Variants in MVB12B observed in about 807,000 individuals in gnomAD.
MVB12B encodes ESCRT-I complex subunit MVB12B.
Under a neutral mutation model 41.6 loss-of-function variants are expected in MVB12B, and 16 were observed. The observed-to-expected ratio is 0.38, with a 90% CI of 0.26 to 0.58. MVB12B has a LOEUF of 0.58. Among genes scored for constraint, MVB12B ranks in the 20% least tolerant of loss-of-function variants. The pLI is 0.62. For missense variants in MVB12B, 274 were observed against 380.2 expected (o/e 0.72, Z 2.32); for synonymous variants, 133 against 139.7 (o/e 0.95, Z 0.34).
chr9:126,503,327 C>T lies in MVB12B; in HGVS notation c.*64C>T. On this transcript the variant is annotated 3_prime_UTR_variant, in exon 10 of 10. Coordinates refer to ENST00000361171, the MANE Select transcript of MVB12B (RefSeq NM_033446.3). ...AGACTACTGACGGCAGGGGCTGCTG[C>T]CCCCGCCTCCTCCTGCCGCCTCCGC... 1 of 1,351,460 alleles carries T rather than the reference C, an allele frequency of 7.4e-7. No individual in the cohort carries two copies. The allele number at this position is 1,351,460 out of a possible 1,614,324, so 83.7% of individuals were successfully genotyped here.
At chr9:126,430,676 G>C (rs569727973) in intron 7 of MVB12B, among the ~76,000 whole-genome samples, 1 of 151,094 alleles carries the variant, frequency 6.6e-6, no homozygotes, top group Non-Finnish European at 1.5e-5. Context: ...GAGCTGCCCT[G>C]TCCTGTGCTC....
intron 7 of MVB12B, among the ~76,000 whole-genome samples, chr9:126,440,721 A>AG (rs761747860): frequency 6.6e-6 from 1 of 152,062 alleles, no homozygotes; most frequent in Non-Finnish European, 1.5e-5. Context: ...ATTTTAAGGG[A>AG]GGAAAAAAAA....
At chr9:126,379,341 T>C (rs1365523754) in intron 2 of MVB12B, among the ~76,000 whole-genome samples, 11 of 152,158 alleles carry the variant, frequency 7.2e-5, no homozygotes, top group African/African-American at 1.7e-4. Context: ...TAAAGTTGCA[T>C]TGGGAGACAA....
At chr9:126,402,790 C>G (rs1211368179) in intron 6 of MVB12B, among the ~76,000 whole-genome samples, 1 of 152,262 alleles carries the variant, frequency 6.6e-6, no homozygotes, top group Non-Finnish European at 1.5e-5. Context: ...TTCCTTCACA[C>G]TAAAGCCACA....
At chr9:126,418,835 C>T (rs184319707) in intron 6 of MVB12B, among the ~76,000 whole-genome samples, 35 of 152,274 alleles carry the variant, frequency 2.3e-4, no homozygotes, top group African/African-American at 8.2e-4. Flanking sequence ...AGGAAGCCTT[C>T]CAGGGAGCCT....
intron 3 of MVB12B, among the ~76,000 whole-genome samples, chr9:126,385,102 G>T (rs561072351): frequency 6.6e-6 from 1 of 152,196 alleles, no homozygotes; most frequent in South Asian, 2.1e-4. Flanking sequence ...CTCCCAAAGT[G>T]TTGGGATTAC....
intron 9 of MVB12B, among the ~76,000 whole-genome samples, chr9:126,487,075 C>T (rs963570901): frequency 7.2e-5 from 11 of 152,230 alleles, no homozygotes; most frequent in Admixed American, 7.2e-4. Flanking sequence ...TGGCCACCCC[C>T]AGGAGGTGCA....
intron 7 of MVB12B, among the ~76,000 whole-genome samples, chr9:126,455,013 A>G (rs1461018369): frequency 6.6e-6 from 1 of 152,124 alleles, no homozygotes; most frequent in African/African-American, 2.4e-5. Flanking sequence ...TGGCGATTCC[A>G]GGAAGGATCT....
rs926224981 is a variant in MVB12B at position 126,391,000 on chromosome 9, A to G, written c.410-1066A>G. On this transcript the variant is annotated intron_variant, in intron 4 of 9. Coordinates refer to ENST00000361171, the MANE Select transcript of MVB12B (RefSeq NM_033446.3). ...GAAGGAATGACAGAGTTCAAAAATC[A>G]CCATTGTGAACCTTTAATAAAACAT... Among the ~76,000 whole-genome samples the G allele has an allele frequency of 9.9e-5, 15 of 151,952 alleles. 1 individual carries two copies. Among genetic ancestry groups the G allele is most frequent in the Non-Finnish European group, 1.9e-4 (13 of 67,952 alleles).
At chr9:126,402,033 T>G (rs1831282716) in intron 6 of MVB12B, among the ~76,000 whole-genome samples, 1 of 152,150 alleles carries the variant, frequency 6.6e-6, no homozygotes, top group African/African-American at 2.4e-5. Flanking sequence ...CTTTTCCTGT[T>G]GAGGTGTTTA....
At chr9:126,490,998 G>A (rs1196515449) in intron 9 of MVB12B, among the ~76,000 whole-genome samples, 2 of 152,144 alleles carry the variant, frequency 1.3e-5, no homozygotes, top group African/African-American at 2.4e-5. Flanking sequence ...ATTGCTCTTA[G>A]CCACGCATAT....
At chr9:126,345,383 A>G (rs936224688) in intron 2 of MVB12B, among the ~76,000 whole-genome samples, 8 of 152,246 alleles carry the variant, frequency 5.3e-5, no homozygotes, top group African/African-American at 1.9e-4. Flanking sequence ...TTTCTGGCAA[A>G]GTAACCCTGA....
At chr9:126,365,332 CT>C (rs11461253) in intron 2 of MVB12B, among the ~76,000 whole-genome samples, 101 of 119,814 alleles carry the variant, frequency 8.4e-4, no homozygotes, top group East Asian at 1.7e-3. Flanking sequence ...CCCAAAGTGT[CT>C]TTTTTTTTTT....
At chr9:126,492,227 T>A (rs567958670) in intron 9 of MVB12B, among the ~76,000 whole-genome samples, 1 of 148,672 alleles carries the variant, frequency 6.7e-6, no homozygotes, top group Admixed American at 6.8e-5. Flanking sequence ...CCTTTACAGA[T>A]CAGCCTTACC....
At chr9:126,378,555 C>T (rs551257681) in intron 2 of MVB12B, among the ~76,000 whole-genome samples, 9 of 152,190 alleles carry the variant, frequency 5.9e-5, no homozygotes, top group African/African-American at 2.2e-4. Flanking sequence ...ATTCCAGAGC[C>T]CTTCTCTGCC....
chr9:126,465,422 T>C (rs1266440654), intron 7 of MVB12B, among the ~76,000 whole-genome samples: 1 of 152,052 alleles, frequency 6.6e-6, no homozygotes, highest in Admixed American at 6.5e-5. Flanking sequence ...CAACAATCTT[T>C]TCAAACTCAC....
At chr9:126,371,429 T>A (rs1477587214) in intron 2 of MVB12B, among the ~76,000 whole-genome samples, 2 of 152,250 alleles carry the variant, frequency 1.3e-5, no homozygotes, top group Admixed American at 6.5e-5. Flanking sequence ...CCTGGCTCCC[T>A]TCGGCCATCA....
intron 2 of MVB12B, among the ~76,000 whole-genome samples, chr9:126,358,853 A>G (rs896305114): frequency 1.3e-5 from 2 of 152,194 alleles, no homozygotes; most frequent in African/African-American, 2.4e-5. Context: ...GAAATCAAGC[A>G]TTCTTGCCTT....
chr9:126,362,491 AGAT>A (rs1830054894), intron 2 of MVB12B, among the ~76,000 whole-genome samples: 1 of 152,240 alleles, frequency 6.6e-6, no homozygotes. Flanking sequence ...TTATAAAAGA[AGAT>A]GATGTGTAGC....
Sources: allele counts gnomAD v4.1 joint callset (sites outside exome capture counted in the v4.1 genomes callset), GRCh38; gene constraint gnomAD v4.1.1; transcripts MANE v1.5; gene names NCBI Gene and HGNC (gene_info 2026-07-23, HGNC 2026-07-21).